The following CLEC12A variants were observed in gnomAD, a reference collection of about 807,000 sequenced individuals.
The protein encoded by CLEC12A is C-type lectin domain family 12 member A.
In CLEC12A, 22 loss-of-function variants were observed where a neutral mutation model predicts 26.5. The ratio of observed to expected loss-of-function variants is 0.83; its 90% CI spans 0.59 to 1.19. CLEC12A has a LOEUF of 1.19. CLEC12A is among the 50% of genes most tolerant of loss of function. CLEC12A has a pLI of 0.00. For missense variants in CLEC12A, 353 were observed against 315.6 expected (o/e 1.12, Z -0.90); for synonymous variants, 119 against 101.9 (o/e 1.17, Z -1.01).
downstream of CLEC12A, chr12:9,995,794 A>C (rs1865029534): frequency 5.3e-6 from 1 of 188,248 alleles, no homozygotes; most frequent in African/African-American, 2.4e-5. Context: ...ACTTTCTTCT[A>C]ATTAGCAATT....
rs1864117977 is a variant in CLEC12A, at chr12:9,971,429, G to T, written c.-168G>T. On this transcript the variant is annotated 5_prime_UTR_variant, in exon 1 of 6. Transcript: ENST00000304361. ...GATTTGGCTCATTTGCAGACATATGGGTGATTGGTACAGTAGGTTTATAAA... is the reference window on the plus strand; with the variant it reads ...GATTTGGCTCATTTGCAGACATATGTGTGATTGGTACAGTAGGTTTATAAA... 1 of 1,280,266 alleles carries T rather than the reference G, an allele frequency of 7.8e-7. No individual in the cohort carries two copies. The highest frequency in any genetic ancestry group is 9.9e-7 in the Non-Finnish European group (1 of 1,011,852). 79.3% of individuals were successfully genotyped at this position (1,280,266 alleles called of 1,614,324 possible).
chr12:9,979,228 A>G, intron 2 of CLEC12A, 108 bp from the exon 3 acceptor site: 4 of 988,516 alleles, frequency 4.0e-6, no homozygotes, highest in Non-Finnish European at 6.1e-6. Flanking sequence ...ACTCCTGTAG[A>G]GTAATTGCTT....
Position 9,985,574 on chromosome 12 carries a change from A to G in CLEC12A, c.*548A>G. ...AAATTATTATTTTAAGTAAAAGCCA[A>G]TAAACAAAAACGAAAAGGCAAGTTA... On this transcript the variant is annotated 3_prime_UTR_variant, in exon 6 of 6. Transcript: ENST00000304361. 5.0e-6 allele frequency: 2 copies of G among 398,422 alleles called. No homozygotes were observed. Among genetic ancestry groups the G allele is most frequent in the Non-Finnish European group, 8.9e-6 (2 of 225,938 alleles). The allele number at this position is 398,422 out of a possible 1,614,324, so 24.7% of individuals were successfully genotyped here.
chr12:9,991,987 A>G (rs1375236417), intron 4 of CLEC12A: 1 of 152,080 alleles, frequency 6.6e-6, no homozygotes, highest in Non-Finnish European at 1.5e-5. Context: ...GAGTAACATC[A>G]GCATTTGAGT....
rs182009744 is a variant in CLEC12A at position 9,980,297 on chromosome 12, A to G, written c.380-285A>G. On this transcript the variant is annotated intron_variant, in intron 3 of 5. Transcript: ENST00000304361. ...TTCACTTACTTCCCCTTCGATGTAA[A>G]AAAAAAAGAAACGGCATGTAATCCC... Among the ~76,000 whole-genome samples the G allele has an allele frequency of 4.1e-3, 621 of 151,878 alleles. 3 individuals carry two copies. The highest frequency in any genetic ancestry group is 0.014 in the Middle Eastern group (4 of 294).
chr12:9,954,205 TAAAAAAAAAAAAAA>T (rs35173002), intron 1 of CLEC12A, among the ~76,000 whole-genome samples: 2 of 64,416 alleles, frequency 3.1e-5, no homozygotes, highest in African/African-American at 5.6e-5. Flanking sequence ...GAATTATCAA[TAAAAAAAAAAAAAA>T]AAAAAAAAAA....
At chr12:9,998,516 T>G (rs1865105900), downstream of CLEC12A, 5 of 564,624 alleles carry the variant, frequency 8.9e-6, 1 homozygote, top group South Asian at 1.8e-5. Flanking sequence ...ATCTCACCTG[T>G]GTTCTCCTCA....
chr12:9,954,442 C>CCA (rs1863708820), intron 1 of CLEC12A, among the ~76,000 whole-genome samples: 1 of 151,988 alleles, frequency 6.6e-6, no homozygotes, highest in Non-Finnish European at 1.5e-5. Flanking sequence ...CTGCAGTGAG[C>CCA]CTTGATCACA....
chr12:9,982,371 A>G (rs1864594942), intron 5 of CLEC12A, among the ~76,000 whole-genome samples: 1 of 152,122 alleles, frequency 6.6e-6, no homozygotes, highest in African/African-American at 2.4e-5. Context: ...TCTGTAAATA[A>G]TTTTATCTAA....
chr12:10,002,445 T>G, the CLEC12A span, among the ~76,000 whole-genome samples: 1 of 38,032 alleles, frequency 2.6e-5, no homozygotes, highest in African/African-American at 9.4e-5. Context: ...GTAATGTTTT[T>G]TTTTTTTTTT....
At chr12:9,952,332 C>G (rs1056229773) in intron 1 of CLEC12A, among the ~76,000 whole-genome samples, 10 of 150,902 alleles carry the variant, frequency 6.6e-5, no homozygotes, top group African/African-American at 2.2e-4. Flanking sequence ...ATTGCAGGCA[C>G]GCACCACCAC....
At chr12:9,962,130 C>A (rs981601053) in intron 1 of CLEC12A, among the ~76,000 whole-genome samples, 1 of 152,162 alleles carries the variant, frequency 6.6e-6, no homozygotes, top group African/African-American at 2.4e-5. Flanking sequence ...TGGCTTCCGG[C>A]AGTAGCTAGC....
At chr12:9,965,265 T>C (rs12230638) in intron 1 of CLEC12A, among the ~76,000 whole-genome samples, 44,632 of 151,630 alleles carry the variant, frequency 0.29, 6,794 homozygotes, top group East Asian at 0.46. Flanking sequence ...GCCCTAACCA[T>C]GCCTAGGAAG....
intron 1 of CLEC12A, among the ~76,000 whole-genome samples, chr12:9,955,519 A>G (rs910953215): frequency 6.6e-6 from 1 of 152,212 alleles, no homozygotes; most frequent in African/African-American, 2.4e-5. Flanking sequence ...AAGTGAATGA[A>G]ATATAAATGG....
chr12:9,982,185 C>T, intron 5 of CLEC12A, 56 bp downstream of exon 5: 1 of 875,710 alleles, frequency 1.1e-6, no homozygotes, highest in South Asian at 1.4e-5. Context: ...AGGTATTTTC[C>T]TTAGGAGCAC....
the CLEC12A span, among the ~76,000 whole-genome samples, chr12:10,004,730 G>T: frequency 2.0e-5 from 3 of 151,994 alleles, no homozygotes; most frequent in African/African-American, 7.2e-5. Flanking sequence ...CCAGCTTAAG[G>T]GTGGGGCACG....
chr12:9,995,626 T>C (rs930081831), exon 5 of CLEC12A: 7 of 294,400 alleles, frequency 2.4e-5, no homozygotes. Context: ...GTATATTCCT[T>C]AGAGTTAAAG....
At chr12:9,999,211 G>T, downstream of CLEC12A, 1 of 679,878 alleles carries the variant, frequency 1.5e-6, no homozygotes, top group Admixed American at 2.5e-5. Context: ...TCTTTAGTAG[G>T]GTAGAACCAT....
At chr12:9,978,768 A>T (rs1864437132) in intron 1 of CLEC12A, among the ~76,000 whole-genome samples, 198 bp from the exon 2 acceptor site, 1 of 152,214 alleles carries the variant, frequency 6.6e-6, no homozygotes, top group African/African-American at 2.4e-5. Context: ...CATACAAAAC[A>T]ATTAAGTGAT....
Sources: gnomAD v4.1 joint callset for allele counts (sites outside exome capture counted in the v4.1 genomes callset) on GRCh38, gnomAD v4.1.1 for gene constraint, MANE v1.5 for transcripts, NCBI Gene and HGNC (gene_info 2026-07-23, HGNC 2026-07-21) for gene names.